Variants in ZMYM2 observed in about 807,000 individuals in gnomAD.
The protein encoded by ZMYM2 is zinc finger MYM-type protein 2.
Under a neutral mutation model 162.8 loss-of-function variants are expected in ZMYM2, and 56 were observed. The ratio of observed to expected loss-of-function variants is 0.34; its 90% confidence interval spans 0.28 to 0.43. The LOEUF (loss-of-function observed/expected upper bound fraction) is 0.43. ZMYM2 is among the 20% of genes least tolerant of loss of function. The pLI is 1.00. For synonymous variants in ZMYM2, 510 were observed against 541.6 expected, an observed-to-expected ratio of 0.94 and a Z score of 0.81; for missense variants, 1,275 against 1,621.8, an observed-to-expected ratio of 0.79 and a Z score of 3.67.
chr13:19,916,701 G>A, the ZMYM2 span, among the ~76,000 whole-genome samples: 392 of 150,500 alleles, frequency 2.6e-3, no homozygotes, highest in African/African-American at 9.1e-3. Flanking sequence ...ATCACACACC[G>A]GGGCTTGTCG....
intron 12 of ZMYM2, among the ~76,000 whole-genome samples, chr13:20,041,659 T>A (rs1954258282): frequency 6.6e-6 from 1 of 152,208 alleles, no homozygotes; most frequent in African/African-American, 2.4e-5. Context: ...TCTGTGTACT[T>A]AAGTGTGTTT....
At chr13:19,933,187 A>C in the ZMYM2 span, among the ~76,000 whole-genome samples, 1 of 152,174 alleles carries the variant, frequency 6.6e-6, no homozygotes, top group Non-Finnish European at 1.5e-5. Flanking sequence ...CCTGGGCTCA[A>C]GTGATCCTCC....
the ZMYM2 span, among the ~76,000 whole-genome samples, chr13:19,874,284 A>T: frequency 3.3e-5 from 5 of 152,124 alleles, no homozygotes; most frequent in Non-Finnish European, 5.9e-5. Flanking sequence ...CAGTAGCGTG[A>T]TCACAGCTCA....
chr13:20,061,049 T>C lies in ZMYM2; in HGVS notation c.2740-4T>C. The C allele has an allele frequency of 6.2e-7, 1 of 1,606,650 alleles. No individual in the cohort carries two copies. The highest frequency in any genetic ancestry group is 8.5e-7 in the Non-Finnish European group (1 of 1,176,148). On this transcript the variant is annotated splice_polypyrimidine_tract_variant and splice_region_variant and intron_variant, in intron 16 of 24. Transcript: ENST00000610343. ...ACCTAACTCAAAATGATTTGGTTAA[T>C]TAGGTGCCAGTTCCTGTTTTTCTGC... is the stretch of plus-strand genomic sequence containing the variant.
chr13:19,994,030 T>C (rs1454155022), intron 3 of ZMYM2, 111 bp downstream of exon 3: 1 of 1,226,788 alleles, frequency 8.2e-7, no homozygotes. Flanking sequence ...ATGTGAAATA[T>C]GTGAATTATA....
chr13:19,926,043 C>A, the ZMYM2 span, among the ~76,000 whole-genome samples: 1 of 151,524 alleles, frequency 6.6e-6, no homozygotes, highest in Non-Finnish European at 1.5e-5. Context: ...TCACCACAAC[C>A]TCGGCCTCCT....
chr13:19,982,963 C>G (rs970442922), intron 2 of ZMYM2, among the ~76,000 whole-genome samples: 1 of 152,004 alleles, frequency 6.6e-6, no homozygotes, highest in East Asian at 1.9e-4. Context: ...GTTTAGTTGA[C>G]CTTTGGATGG....
chr13:19,976,643 A>G (rs1357140214), intron 2 of ZMYM2, among the ~76,000 whole-genome samples: 5 of 152,184 alleles, frequency 3.3e-5, no homozygotes, highest in South Asian at 2.1e-4. Flanking sequence ...GATACTTCAC[A>G]TAAGTGGAAT....
At chr13:20,056,461 C>A (rs1955804211) in intron 14 of ZMYM2, among the ~76,000 whole-genome samples, 1 of 152,136 alleles carries the variant, frequency 6.6e-6, no homozygotes, top group Non-Finnish European at 1.5e-5. Context: ...GCCCCTCAGA[C>A]AGGGCATTTT....
intron 23 of ZMYM2, 160 bp from the exon 24 acceptor site, chr13:20,083,496 C>G (rs917508957): frequency 1.6e-6 from 1 of 611,886 alleles, no homozygotes; most frequent in African/African-American, 1.9e-5. Context: ...TAAGATGTCT[C>G]AGTTCCTTTT....
At chr13:20,082,655 A>G in intron 22 of ZMYM2, 126 bp from the exon 23 acceptor site, 1 of 799,938 alleles carries the variant, frequency 1.3e-6, no homozygotes, top group Non-Finnish European at 1.9e-6. Context: ...GAATTATTCT[A>G]GTTGATCTAA....
At chr13:19,968,299 A>G (rs12874129) in intron 2 of ZMYM2, among the ~76,000 whole-genome samples, 113 of 151,960 alleles carry the variant, frequency 7.4e-4, no homozygotes, top group Non-Finnish European at 1.4e-3. Context: ...CTGGAGCGCA[A>G]TGGTGTGATC....
the ZMYM2 span, among the ~76,000 whole-genome samples, chr13:19,889,512 G>A: frequency 6.6e-6 from 1 of 151,854 alleles, no homozygotes; most frequent in Middle Eastern, 3.4e-3. Context: ...TAGAGACAGG[G>A]TTTCACCATG....
At chr13:19,882,475 G>A in the ZMYM2 span, among the ~76,000 whole-genome samples, 1 of 152,104 alleles carries the variant, frequency 6.6e-6, no homozygotes, top group African/African-American at 2.4e-5. Context: ...TGGGCGTGGT[G>A]GTAGCTCACA....
At chr13:19,884,981 A>G in the ZMYM2 span, among the ~76,000 whole-genome samples, 2 of 152,042 alleles carry the variant, frequency 1.3e-5, no homozygotes, top group African/African-American at 4.8e-5. Context: ...TATTTTACAG[A>G]GTGCTGATTG....
chr13:20,049,590 TTTGTCTTTATTGC>T (rs1462276110), intron 12 of ZMYM2, among the ~76,000 whole-genome samples: 1 of 152,074 alleles, frequency 6.6e-6, no homozygotes, highest in Non-Finnish European at 1.5e-5. Flanking sequence ...AGTAACTCAT[TTTGTCTTTATTGC>T]TTAGGGTACA....
At chr13:20,026,524 A>G (rs991132025) in intron 7 of ZMYM2, 88 bp from the exon 8 acceptor site, 3 of 1,336,050 alleles carry the variant, frequency 2.2e-6, no homozygotes, top group Non-Finnish European at 3.0e-6. Flanking sequence ...ATTGTTTTGC[A>G]GAGGCAAAAA....
chr13:20,027,152 A>G, intron 8 of ZMYM2, 51 bp from the exon 9 acceptor site: 2 of 1,339,584 alleles, frequency 1.5e-6, no homozygotes, highest in African/African-American at 1.5e-5. Flanking sequence ...AGATAAAAAA[A>G]CTTTTTTATT....
chr13:20,089,115 A>G lies in ZMYM2; in HGVS notation c.*3101A>G, dbSNP rs1958422848. The G allele has an allele frequency of 9.9e-6, 2 of 201,526 alleles. No individual in the cohort carries two copies. The highest frequency in any genetic ancestry group is 1.0e-5 in the Non-Finnish European group (1 of 97,804). 12.5% of individuals were successfully genotyped at this position (201,526 alleles called of 1,614,324 possible). A position where few individuals can be genotyped will look rare whatever the true frequency, so the allele number is the denominator to read the frequency against. ...TAAAGAATAAATTTCTTTAAATTAC[A>G]TACTTTTGGATTTCCCCCTTAATAA... On this transcript the variant is annotated 3_prime_UTR_variant, in exon 25 of 25. Transcript: ENST00000610343.
Sources: allele counts gnomAD v4.1 joint callset (sites outside exome capture counted in the v4.1 genomes callset), GRCh38; gene constraint gnomAD v4.1.1; transcripts MANE v1.5; gene names NCBI Gene and HGNC (gene_info 2026-07-23, HGNC 2026-07-21).